The following MITD1 variants were observed in gnomAD, a reference collection of about 807,000 sequenced individuals.
MITD1 encodes microtubule interacting and trafficking domain containing 1, also known as MIT domain-containing protein 1.
In MITD1, 24 loss-of-function variants were observed where a neutral mutation model predicts 34.9. The ratio of observed to expected loss-of-function variants is 0.69; its 90% confidence interval spans 0.50 to 0.97. MITD1 has a LOEUF of 0.97. Ranked by LOEUF, MITD1 falls within the 50% of genes least tolerant of loss-of-function variation. The pLI is 0.00. For missense variants in MITD1, 266 were observed against 294.6 expected, an observed-to-expected ratio of 0.90 and a Z score of 0.71; for synonymous variants, 102 against 101.4, an observed-to-expected ratio of 1.01 and a Z score of -0.04.
At chr2:99,180,585 A>C in intron 1 of MITD1, 1 of 358,410 alleles carries the variant, frequency 2.8e-6, no homozygotes. Context: ...ACATTGCGTT[A>C]TATCTTATAT....
At chr2:99,172,166 TC>T (rs1229775945) in intron 2 of MITD1, 1 of 152,580 alleles carries the variant, frequency 6.6e-6, no homozygotes, top group Non-Finnish European at 1.5e-5. Flanking sequence ...GGTAGGTAGA[TC>T]ATTTGAGGTC....
chr2:99,162,562 G>A (rs1260183698), intron 7 of MITD1: 1 of 1,614,160 alleles, frequency 6.2e-7, no homozygotes, highest in Admixed American at 1.7e-5. Context: ...GGGATCAGGA[G>A]CAATGCCACT....
intron 4 of MITD1, 79 bp downstream of exon 4, chr2:99,171,264 T>C: frequency 9.7e-7 from 1 of 1,031,738 alleles, no homozygotes; most frequent in Non-Finnish European, 1.5e-6. Context: ...AAGCACTGCA[T>C]CTGTGTTCTC....
intron 2 of MITD1, 42 bp from the exon 3 acceptor site, chr2:99,171,688 T>C (rs2093859096): frequency 6.4e-7 from 1 of 1,572,234 alleles, no homozygotes; most frequent in African/African-American, 1.4e-5. Context: ...GTGACCATTT[T>C]TTTTTTACAC....
chr2:99,161,650 C>A, downstream of MITD1: 1 of 201,298 alleles, frequency 5.0e-6, no homozygotes, highest in Non-Finnish European at 1.0e-5. Context: ...CCAGCCTGGG[C>A]AACATGGTGA....
At chr2:99,173,887 G>C in intron 2 of MITD1, 28 bp downstream of exon 2, 1 of 1,354,146 alleles carries the variant, frequency 7.4e-7, no homozygotes, top group Non-Finnish European at 1.1e-6. Context: ...GTTGTTTATG[G>C]ATGCATTTTC....
At position 99,170,612 on chromosome 2, in the gene MITD1, A is replaced by G. The variant is rs767027948; in HGVS notation, c.518T>C (p.Ile173Thr). 6.2e-7 allele frequency: 1 copy of G among 1,608,692 alleles called. No individual in the cohort carries two copies. Among genetic ancestry groups the G allele is most frequent in the Non-Finnish European group, 8.5e-7 (1 of 1,175,718 alleles). The change falls in exon 5 of 7, where the codon ATA becomes ACA. Residue 173 changes from isoleucine (I) to threonine (T), a missense_variant. Coordinates refer to ENST00000289359, the MANE Select transcript of MITD1 (RefSeq NM_138798.3). Reference sequence around the variant, plus strand: ...TCCGTGACTCCTGAGTGACTCTTCTATTTCTTGCAGGCCTCTACTTTGCTG... The same window carrying G: ...TCCGTGACTCCTGAGTGACTCTTCTGTTTCTTGCAGGCCTCTACTTTGCTG... ...QVQQSRGLQE[I>T]EESLRSHGVL... is the part of the protein sequence containing the mutation.
intron 2 of MITD1, 59 bp downstream of exon 2, chr2:99,173,856 T>G: frequency 9.5e-7 from 1 of 1,058,186 alleles, no homozygotes; most frequent in Non-Finnish European, 1.5e-6. Flanking sequence ...GCCAGAAACA[T>G]TGGGTGAATG....
intron 2 of MITD1, chr2:99,172,377 T>C (rs928663838): frequency 2.0e-5 from 3 of 147,706 alleles, no homozygotes; most frequent in Admixed American, 6.8e-5. Context: ...AGAGCAAGAC[T>C]CTGCCTTAAA....
At chr2:99,177,586 G>GTT (rs1177748024) in intron 1 of MITD1, among the ~76,000 whole-genome samples, 8 of 152,084 alleles carry the variant, frequency 5.3e-5, no homozygotes, top group African/African-American at 1.7e-4. Context: ...CTTCATTCTA[G>GTT]CTATGTTGAA....
exon 8 of MITD1, chr2:99,162,053 C>G (rs2093797613): frequency 1.9e-6 from 3 of 1,613,920 alleles, no homozygotes; most frequent in South Asian, 2.2e-5. Context: ...AAAATGGGCT[C>G]ATTTTACAGT....
chr2:99,162,011 G>A, exon 8 of MITD1: 1 of 1,613,552 alleles, frequency 6.2e-7, no homozygotes, highest in Non-Finnish European at 8.5e-7. Context: ...GTAACTGCCA[G>A]GTCCCAGCAG....
At chr2:99,163,042 G>T (rs2093809645) in intron 7 of MITD1, 1 of 1,574,728 alleles carries the variant, frequency 6.4e-7, no homozygotes, top group South Asian at 1.2e-5. Context: ...AACAGTAAAT[G>T]GAATATTCTC....
At chr2:99,161,872 A>T, downstream of MITD1, 1 of 1,252,286 alleles carries the variant, frequency 8.0e-7, no homozygotes, top group Non-Finnish European at 1.1e-6. Flanking sequence ...GTTTGGATTA[A>T]ATAACCGATA....
downstream of MITD1, among the ~76,000 whole-genome samples, chr2:99,166,668 T>C (rs868478112): frequency 6.6e-6 from 1 of 151,688 alleles, no homozygotes; most frequent in Non-Finnish European, 1.5e-5. Context: ...TCAAGGTCAC[T>C]GCTAAAAATC....
intron 1 of MITD1, among the ~76,000 whole-genome samples, chr2:99,177,335 G>A (rs1384084177): frequency 6.6e-6 from 1 of 152,084 alleles, no homozygotes; most frequent in Non-Finnish European, 1.5e-5. Context: ...TCATGTGCCA[G>A]TGCCCCCTCC....
chr2:99,166,925 C>T (rs1298594051), downstream of MITD1, among the ~76,000 whole-genome samples: 6 of 135,954 alleles, frequency 4.4e-5, no homozygotes, highest in East Asian at 2.1e-4. Flanking sequence ...CTCTGTAATA[C>T]GTTTAGATTT....
At chr2:99,165,685 G>A (rs2093823833), downstream of MITD1, among the ~76,000 whole-genome samples, 1 of 152,118 alleles carries the variant, frequency 6.6e-6, no homozygotes, top group African/African-American at 2.4e-5. Context: ...TTCTCCACCT[G>A]GTAGGAGGTA....
exon 8 of MITD1, chr2:99,162,082 A>G: frequency 4.3e-6 from 7 of 1,614,138 alleles, no homozygotes; most frequent in African/African-American, 1.3e-5. Flanking sequence ...AATGATGTCT[A>G]TCAAAATCTG....
Sources: gnomAD v4.1 joint callset for allele counts (sites outside exome capture counted in the v4.1 genomes callset) on GRCh38, gnomAD v4.1.1 for gene constraint, MANE v1.5 for transcripts, NCBI Gene and HGNC (gene_info 2026-07-23, HGNC 2026-07-21) for gene names.